The following IQCH variants were observed in gnomAD, a reference collection of about 807,000 sequenced individuals.
IQCH encodes the protein IQ domain-containing protein H.
In IQCH, 98 loss-of-function variants were observed where a neutral mutation model predicts 117.0. That is an observed-to-expected ratio of 0.84 (90% CI 0.71 to 0.99). The LOEUF is 0.99. IQCH is among the 50% of genes least tolerant of loss of function. IQCH has a pLI of 0.00. For synonymous variants in IQCH, 412 were observed against 448.2 expected (o/e 0.92, Z 1.02); for missense variants, 1,102 against 1,243.8 (o/e 0.89, Z 1.72).
intron 4 of IQCH, among the ~76,000 whole-genome samples, chr15:67,327,524 T>G (rs951321684): frequency 6.6e-6 from 1 of 152,344 alleles, no homozygotes; most frequent in East Asian, 1.9e-4. Flanking sequence ...GCCTACTTTT[T>G]CTTTTTACTG....
At chr15:67,489,698 G>A (rs554087836) in intron 18 of IQCH, among the ~76,000 whole-genome samples, 4 of 151,710 alleles carry the variant, frequency 2.6e-5, no homozygotes, top group Admixed American at 2.6e-4. Flanking sequence ...AAGAAGTAAG[G>A]TAAAAGACAG....
At chr15:67,272,964 GGTT>G (rs1434842319) in intron 3 of IQCH, among the ~76,000 whole-genome samples, 2 of 151,902 alleles carry the variant, frequency 1.3e-5, no homozygotes, top group Non-Finnish European at 2.9e-5. Flanking sequence ...CTTGTTTTCT[GGTT>G]GTTTTGTAAA....
At chr15:67,375,612 A>G (rs1250505778) in intron 10 of IQCH, among the ~76,000 whole-genome samples, 1 of 152,130 alleles carries the variant, frequency 6.6e-6, no homozygotes, top group Non-Finnish European at 1.5e-5. Flanking sequence ...TGTTAACAAC[A>G]TGATACCCAT....
chr15:67,315,347 T>G (rs546236249), intron 4 of IQCH, among the ~76,000 whole-genome samples: 26 of 152,330 alleles, frequency 1.7e-4, no homozygotes, highest in East Asian at 1.9e-4. Flanking sequence ...TGCACCCATA[T>G]GTGAAGCTAC....
chr15:67,372,338 C>T lies in IQCH; in HGVS notation c.981C>T (p.Leu327=), dbSNP rs746820986. The change falls in exon 9 of 21, where the codon CTC becomes CTT. Residue 327 remains leucine (L), a synonymous_variant. Coordinates refer to ENST00000335894, the MANE Select transcript of IQCH (RefSeq NM_001031715.3). ...VKIKGNNLVA[L]LPEFELTNKL... ...TAAAAGGGAATAATTTGGTGGCCCT[C>T]CTTCCAGAGTTTGAGCTGACGAATA... is the stretch of plus-strand genomic sequence containing the variant. The T allele has an allele frequency of 6.2e-7, 1 of 1,614,028 alleles. No homozygotes were observed.
chr15:67,324,679 G>T (rs1968323610), intron 4 of IQCH, among the ~76,000 whole-genome samples: 1 of 150,788 alleles, frequency 6.6e-6, no homozygotes, highest in Admixed American at 6.6e-5. Context: ...TTTTTCACTG[G>T]GTATAGAATT....
Position 67,367,428 on chromosome 15 carries a change from A to G in IQCH, c.754-4683A>G, listed in dbSNP as rs190538835. On this transcript the variant is annotated intron_variant, in intron 8 of 20. Transcript: ENST00000335894. Reference sequence around the variant, plus strand: ...ATGACATGTGCCAGTAGTTCCACCTACTCGGGAAGCTGAGGTGAGAGGATC... The same window carrying G: ...ATGACATGTGCCAGTAGTTCCACCTGCTCGGGAAGCTGAGGTGAGAGGATC... Among the ~76,000 whole-genome samples, 29 of 152,158 alleles carry G rather than the reference A, an allele frequency of 1.9e-4. No individual in the cohort carries two copies. In the East Asian group the frequency reaches 5.4e-3, roughly 28 times the overall value.
intron 1 of IQCH, among the ~76,000 whole-genome samples, chr15:67,256,980 T>C (rs1965245985): frequency 6.6e-6 from 1 of 152,234 alleles, no homozygotes; most frequent in Non-Finnish European, 1.5e-5. Flanking sequence ...TGTGTGAGTA[T>C]GTAGCACCAC....
At chr15:67,382,355 C>G (rs1970961029) in intron 10 of IQCH, among the ~76,000 whole-genome samples, 1 of 152,218 alleles carries the variant, frequency 6.6e-6, no homozygotes, top group Non-Finnish European at 1.5e-5. Context: ...ACAATTACAC[C>G]TGGCCCAGCC....
intron 6 of IQCH, among the ~76,000 whole-genome samples, chr15:67,344,647 G>A (rs1969309476): frequency 6.6e-6 from 1 of 152,144 alleles, no homozygotes; most frequent in Admixed American, 6.5e-5. Flanking sequence ...AGTGATTTGT[G>A]GAATAGAGTT....
At chr15:67,317,943 T>C (rs563400132) in intron 4 of IQCH, among the ~76,000 whole-genome samples, 34 of 152,222 alleles carry the variant, frequency 2.2e-4, no homozygotes, top group African/African-American at 7.0e-4. Context: ...CTAGGACTTA[T>C]GTTTTGGAAG....
At chr15:67,319,821 A>G (rs957127342) in intron 4 of IQCH, among the ~76,000 whole-genome samples, 2 of 152,216 alleles carry the variant, frequency 1.3e-5, no homozygotes, top group Non-Finnish European at 2.9e-5. Context: ...AATCTGATTC[A>G]GAATCTAGAC....
chr15:67,472,410 G>C lies in IQCH; in HGVS notation c.2677-3286G>C, dbSNP rs2083093019. On this transcript the variant is annotated intron_variant, in intron 17 of 20. Transcript: ENST00000335894. The surrounding 1 kb of genome is among the most constrained non-coding windows in gnomAD (Gnocchi z 4.3). ...AAGGCAAAAAGGCCTGAATATTTCT[G>C]AATAGGAGGATGACACAGACCAACC... 6.6e-6 allele frequency among the ~76,000 whole-genome samples: 1 copy of C among 152,170 alleles called. No homozygotes were observed. The highest frequency in any genetic ancestry group is 1.5e-5 in the Non-Finnish European group (1 of 68,032).
chr15:67,270,692 A>G (rs1965861747), intron 3 of IQCH, among the ~76,000 whole-genome samples: 1 of 152,150 alleles, frequency 6.6e-6, no homozygotes, highest in South Asian at 2.1e-4. Flanking sequence ...ACCTTCTACC[A>G]TGAATGGAAG....
intron 4 of IQCH, among the ~76,000 whole-genome samples, chr15:67,333,259 T>C (rs1051284183): frequency 6.6e-6 from 1 of 152,240 alleles, no homozygotes; most frequent in African/African-American, 2.4e-5. Context: ...TTACAAATTG[T>C]CTGCCTGCTG....
At position 67,426,128 on chromosome 15, in the gene IQCH, T is replaced by G. The variant is rs141513739; in HGVS notation, c.2505+4551T>G. On this transcript the variant is annotated intron_variant, in intron 16 of 20. Transcript: ENST00000335894. This position sits in a 1 kb window ranked among gnomAD's most constrained non-coding sequence, Gnocchi z 5.1. ...GGACCTAGGATCGACTCAGAAGCCC[T>G]GTAAGATCTGGGCTCTTAGTGCTGC... Among the ~76,000 whole-genome samples, 23 of 152,304 alleles carry G rather than the reference T, an allele frequency of 1.5e-4. No individual in the cohort carries two copies. In the East Asian group the frequency reaches 4.2e-3, roughly 28 times the overall value.
At chr15:67,294,927 G>C (rs569234079) in intron 4 of IQCH, among the ~76,000 whole-genome samples, 12 of 152,198 alleles carry the variant, frequency 7.9e-5, no homozygotes, top group Admixed American at 2.6e-4. Context: ...CTCTGTGTTT[G>C]CATCTGAGTA....
At chr15:67,470,879 A>T (rs955541717) in intron 17 of IQCH, among the ~76,000 whole-genome samples, 2 of 152,260 alleles carry the variant, frequency 1.3e-5, no homozygotes, top group African/African-American at 2.4e-5. Context: ...ATATACAAGT[A>T]AATACACATA....
Position 67,359,246 on chromosome 15 carries a change from A to G in IQCH, c.715-601A>G, listed in dbSNP as rs1400548751. ...CCAGTAAATGGTTTACCACGAAAAAAATAGTTTTAAATAATGACATATTTT... is the reference window on the plus strand; with the variant it reads ...CCAGTAAATGGTTTACCACGAAAAAGATAGTTTTAAATAATGACATATTTT... On this transcript the variant is annotated intron_variant, in intron 7 of 20. Transcript: ENST00000335894. The surrounding 1 kb of genome is among the most constrained non-coding windows in gnomAD (Gnocchi z 4.5). 6.6e-6 allele frequency among the ~76,000 whole-genome samples: 1 copy of G among 152,222 alleles called. No individual in the cohort carries two copies. The highest frequency in any genetic ancestry group is 1.5e-5 in the Non-Finnish European group (1 of 68,036).
Sources: allele counts gnomAD v4.1 joint callset (sites outside exome capture counted in the v4.1 genomes callset), GRCh38; gene constraint gnomAD v4.1.1; non-coding constraint Gnocchi (gnomAD v3.1); transcripts MANE v1.5; gene names NCBI Gene and HGNC (gene_info 2026-07-23, HGNC 2026-07-21).